The following PHF20 variants were observed in gnomAD, a reference collection of about 807,000 sequenced individuals.
PHF20 encodes PHD finger protein 20.
In PHF20, 23 loss-of-function variants were observed where a neutral mutation model predicts 113.5. The observed-to-expected ratio is 0.20, with a 90% CI of 0.15 to 0.29. The LOEUF (loss-of-function observed/expected upper bound fraction) is 0.29. Among genes scored for constraint, PHF20 ranks in the 10% least tolerant of loss-of-function variants. The pLI is 1.00. For synonymous variants in PHF20, 434 were observed against 457.3 expected (o/e 0.95, Z 0.65); for missense variants, 943 against 1,219.6 (o/e 0.77, Z 3.38).
intron 15 of PHF20, among the ~76,000 whole-genome samples, chr20:35,933,845 G>A (rs963062055): frequency 1.4e-4 from 22 of 152,294 alleles, no homozygotes; most frequent in African/African-American, 5.3e-4. Flanking sequence ...TCTCTTGGCT[G>A]TTATAACCTA....
At chr20:35,905,714 T>C (rs1334819527) in intron 10 of PHF20, among the ~76,000 whole-genome samples, 1 of 152,180 alleles carries the variant, frequency 6.6e-6, no homozygotes, top group African/African-American at 2.4e-5. Context: ...TGAGGCTAGA[T>C]AGGAATTGGA....
intron 15 of PHF20, among the ~76,000 whole-genome samples, chr20:35,936,302 A>G (rs1224565940): frequency 1.3e-5 from 2 of 152,112 alleles, no homozygotes; most frequent in African/African-American, 4.8e-5. Context: ...ATCCCAAACA[A>G]TTGATGCCAA....
chr20:35,855,838 T>A (rs983232680), intron 4 of PHF20, among the ~76,000 whole-genome samples: 2 of 152,070 alleles, frequency 1.3e-5, no homozygotes, highest in African/African-American at 4.8e-5. Flanking sequence ...CATACCTGGC[T>A]AATGTTTTTT....
intron 9 of PHF20, among the ~76,000 whole-genome samples, chr20:35,879,926 C>T (rs2054597067): frequency 6.6e-6 from 1 of 151,806 alleles, no homozygotes; most frequent in Non-Finnish European, 1.5e-5. Flanking sequence ...GAGGTCAAAG[C>T]TATAATAAGC....
chr20:35,892,429 G>A (rs1317921264), intron 9 of PHF20, among the ~76,000 whole-genome samples: 3 of 150,460 alleles, frequency 2.0e-5, no homozygotes, highest in African/African-American at 4.9e-5. Flanking sequence ...GGCAGGTCTC[G>A]AACTCCTGAC....
rs780490898 is a variant in PHF20 at position 35,892,224 on chromosome 20, ATTTTTT to A, written c.1283-7129_1283-7124del. ...AGGCATGCACCACCACGCCTGGCTG[ATTTTTT>A]TTTTTTTTTTTTTTTTGTATTTTTA... On this transcript the variant is annotated intron_variant, in intron 9 of 17. Coordinates refer to ENST00000374012, the MANE Select transcript of PHF20 (RefSeq NM_016436.5). Among the ~76,000 whole-genome samples, 335 of 102,528 alleles carry A rather than the reference ATTTTTT, an allele frequency of 3.3e-3. 2 individuals are homozygous for A. The highest frequency in any genetic ancestry group is 0.012 in the African/African-American group (308 of 26,502). The allele number at this position is 102,528 out of a possible 152,430, so 67.3% of individuals were successfully genotyped here.
chr20:35,809,383 A>G (rs938058372), intron 2 of PHF20, among the ~76,000 whole-genome samples: 6 of 152,090 alleles, frequency 3.9e-5, no homozygotes, highest in Non-Finnish European at 8.8e-5. Context: ...GTTTGAGACC[A>G]GCCTGGCCAA....
chr20:35,792,708 G>T (rs565511726), intron 1 of PHF20, among the ~76,000 whole-genome samples: 2 of 152,232 alleles, frequency 1.3e-5, no homozygotes, highest in African/African-American at 4.8e-5. Flanking sequence ...ATTGGATACT[G>T]TTTGTTAATT....
intron 4 of PHF20, among the ~76,000 whole-genome samples, chr20:35,854,404 G>A (rs1190506328): frequency 6.6e-6 from 1 of 152,176 alleles, no homozygotes; most frequent in Non-Finnish European, 1.5e-5. Context: ...CTTATTTTGA[G>A]TTCCTTCATT....
At chr20:35,780,551 CTTTT>C (rs71184082) in intron 1 of PHF20, among the ~76,000 whole-genome samples, 1 of 115,508 alleles carries the variant, frequency 8.7e-6, no homozygotes. Context: ...TTTTTCTTTT[CTTTT>C]TTTTTTTTTG....
At chr20:35,843,651 T>A (rs1051145638) in intron 3 of PHF20, among the ~76,000 whole-genome samples, 3 of 151,924 alleles carry the variant, frequency 2.0e-5, no homozygotes, top group Non-Finnish European at 4.4e-5. Flanking sequence ...GGTGCAATCA[T>A]GGCTCACTGC....
chr20:35,906,489 G>C (rs56074161), intron 10 of PHF20, among the ~76,000 whole-genome samples: 2 of 141,802 alleles, frequency 1.4e-5, no homozygotes, highest in African/African-American at 4.9e-5. Flanking sequence ...CTTTCTCCCC[G>C]TTTTTCCACC....
chr20:35,923,175 T>C (rs1040018688), intron 13 of PHF20, among the ~76,000 whole-genome samples: 1 of 152,138 alleles, frequency 6.6e-6, no homozygotes, highest in African/African-American at 2.4e-5. Context: ...CATAATACTT[T>C]ATTTACAAAA....
At chr20:35,908,105 A>C (rs2055232927) in intron 10 of PHF20, among the ~76,000 whole-genome samples, 1 of 152,252 alleles carries the variant, frequency 6.6e-6, no homozygotes, top group Admixed American at 6.5e-5. Flanking sequence ...TGTGAAGCCC[A>C]TACTCTCACT....
At position 35,913,351 on chromosome 20, in the gene PHF20, AT is replaced by A. The variant is rs748092232; in HGVS notation, c.1660+12del. ...AAGAAAAAGAAAACCAAACCTGGTA[AT>A]TTTTTTTCCTGAGGGTTTCACTTAG... On this transcript the variant is annotated splice_donor_5th_base_variant and intron_variant, in intron 11 of 17. Transcript: ENST00000374012. 9 of 1,585,046 alleles carry A rather than the reference AT, an allele frequency of 5.7e-6. No homozygotes were observed. The highest frequency in any genetic ancestry group is 4.5e-5 in the East Asian group (2 of 44,728).
At chr20:35,891,134 T>C (rs1361834561) in intron 9 of PHF20, among the ~76,000 whole-genome samples, 6 of 152,056 alleles carry the variant, frequency 3.9e-5, no homozygotes, top group Non-Finnish European at 7.4e-5. Flanking sequence ...CCCAGCACTT[T>C]GGGAGGCCAA....
intron 2 of PHF20, among the ~76,000 whole-genome samples, chr20:35,824,913 T>G (rs951867276): frequency 6.6e-6 from 1 of 152,248 alleles, no homozygotes; most frequent in African/African-American, 2.4e-5. Context: ...ATCTATGTTG[T>G]ACGTTACTGC....
chr20:35,899,531 T>G lies in PHF20; in HGVS notation c.1444T>G (p.Ser482Ala), dbSNP rs1268985420. ...GAAGTATTTCCATGGAATGGAGAAG[T>G]CACTGGAGCCAGAAGAGAGCCCGGG... ...HMKYFHGMEK[S>A]LEPEESPGKR... Residue 482 changes from serine (S) to alanine (A), a missense_variant, in exon 10 of 18, where the codon TCA (serine) becomes GCA (alanine). Coordinates refer to ENST00000374012, the MANE Select transcript of PHF20 (RefSeq NM_016436.5). 6.2e-7 allele frequency: 1 copy of G among 1,614,184 alleles called. No homozygotes were observed.
intron 9 of PHF20, among the ~76,000 whole-genome samples, chr20:35,872,211 T>A (rs1473993764): frequency 6.6e-6 from 1 of 152,046 alleles, no homozygotes; most frequent in African/African-American, 2.4e-5. Context: ...TCTTTCTTCC[T>A]AATATGAGTA....
Sources: allele counts gnomAD v4.1 joint callset (sites outside exome capture counted in the v4.1 genomes callset), GRCh38; gene constraint gnomAD v4.1.1; transcripts MANE v1.5; gene names NCBI Gene and HGNC (gene_info 2026-07-23, HGNC 2026-07-21).